CRAMP1: variants seen among roughly 807,000 people sequenced by gnomAD.
The protein encoded by CRAMP1 is protein cramped-like.
In CRAMP1, 50 loss-of-function variants were observed where a neutral mutation model predicts 115.4. That is an observed-to-expected ratio of 0.43 (90% CI 0.35 to 0.55). The LOEUF (loss-of-function observed/expected upper bound fraction) is 0.55. CRAMP1 is among the 20% of genes least tolerant of loss of function. CRAMP1 has a pLI of 0.01. For synonymous variants in CRAMP1, 866 were observed against 745.4 expected (o/e 1.16, Z -2.64); for missense variants, 1,679 against 1,721.7 (o/e 0.98, Z 0.44).
chr16:1,656,746 G>A lies in CRAMP1; in HGVS notation c.1989G>A (p.Glu663=). 3 of 1,549,198 alleles carry A rather than the reference G, an allele frequency of 1.9e-6. No homozygotes were observed. Among genetic ancestry groups the A allele is most frequent in the Non-Finnish European group, 2.6e-6 (3 of 1,146,094 alleles). The stretch of plus-strand genomic sequence containing the variant: ...AGCCTGCCGCCAGGCCCCCGAAGGA[G>A]GTCCCCGCCAGCCGGCTGGCTCAGC... ...QGQPAARPPK[E]VPASRLAQQL... is the part of the protein sequence containing the mutation. The change falls in exon 10 of 21, where the codon GAG becomes GAA. Residue 663 remains glutamate, a synonymous_variant. Transcript: ENST00000397412. The surrounding 1 kb of genome is among the most constrained non-coding windows in gnomAD (Gnocchi z 5.6).
At chr16:1,626,195 C>A (rs577246683) in intron 3 of CRAMP1, 29 bp downstream of exon 3, 25 of 1,454,138 alleles carry the variant, frequency 1.7e-5, no homozygotes, top group Admixed American at 2.6e-5. Context: ...CACGGCCAGG[C>A]AGCCTGGGCG....
At chr16:1,638,104 T>C (rs558244627) in intron 5 of CRAMP1, among the ~76,000 whole-genome samples, 197 bp downstream of exon 5, 34 of 152,364 alleles carry the variant, frequency 2.2e-4, no homozygotes, top group Middle Eastern at 3.4e-3. Flanking sequence ...ACATTTGCTC[T>C]CTTTCTCCAT....
intron 4 of CRAMP1, among the ~76,000 whole-genome samples, chr16:1,636,368 T>A (rs539308968): frequency 6.7e-6 from 1 of 149,284 alleles, no homozygotes; most frequent in African/African-American, 2.5e-5. Context: ...CGAAACTCTG[T>A]CTCAAAAAAA....
At position 1,656,667 on chromosome 16, in the gene CRAMP1, C is replaced by T. The variant is rs920280760; in HGVS notation, c.1910C>T (p.Ala637Val). The change falls in exon 10 of 21, where the codon GCG (alanine) becomes GTG (valine). Residue 637 changes from alanine to valine, a missense_variant. Around this residue, in one of 8 missense-constraint regions of CRAMP1, gnomAD observed 405 missense variants for 302.6 expected, o/e 1.34. Coordinates refer to ENST00000397412, the MANE Select transcript of CRAMP1 (RefSeq NM_020825.4). This position sits in a 1 kb window ranked among gnomAD's most constrained non-coding sequence, Gnocchi z 5.6. ...ACTAAAGACTTGGCAGATGCACCTG[C>T]GGAGGAGCTCCAGGAGAAGGGGAGC... Reference protein sequence around the residue: ...VCTKDLADAPAEELQEKGSPA... With the variant: ...VCTKDLADAPVEELQEKGSPA... 17 of 1,572,564 alleles carry T rather than the reference C, an allele frequency of 1.1e-5. No individual in the cohort carries two copies. The highest frequency in any genetic ancestry group is 1.4e-5 in the Non-Finnish European group (16 of 1,160,184).
chr16:1,668,671 C>T (rs1026865054), intron 18 of CRAMP1, among the ~76,000 whole-genome samples: 1 of 152,154 alleles, frequency 6.6e-6, no homozygotes, highest in African/African-American at 2.4e-5. Context: ...AGCATGTAGC[C>T]TTGGGCAGCT....
chr16:1,658,369 G>T (rs945159711), intron 10 of CRAMP1, among the ~76,000 whole-genome samples: 1 of 152,214 alleles, frequency 6.6e-6, no homozygotes, highest in African/African-American at 2.4e-5. Context: ...CTTTTGGTGG[G>T]CTCATGGGAG....
intron 13 of CRAMP1, among the ~76,000 whole-genome samples, chr16:1,664,774 G>A (rs1300708096): frequency 2.8e-5 from 4 of 144,744 alleles, no homozygotes; most frequent in African/African-American, 7.7e-5. Context: ...GCAAGACACC[G>A]TCTCAAAAAA....
rs1036302237 is a variant in CRAMP1, at chr16:1,672,831, G to T, written c.3646-1050G>T. Among the ~76,000 whole-genome samples, 1 of 152,214 alleles carries T rather than the reference G, an allele frequency of 6.6e-6. No individual in the cohort carries two copies. The highest frequency in any genetic ancestry group is 1.5e-5 in the Non-Finnish European group (1 of 68,036). ...AAGATCCCGGTGCCGAGGCCCTCCC[G>T]TCCTCCGTCTCCTCAGCTCTGTGCT... On this transcript the variant is annotated intron_variant, in intron 20 of 20. Coordinates refer to ENST00000397412, the MANE Select transcript of CRAMP1 (RefSeq NM_020825.4). This position sits in a 1 kb window ranked among gnomAD's most constrained non-coding sequence, Gnocchi z 4.9.
intron 4 of CRAMP1, among the ~76,000 whole-genome samples, chr16:1,634,228 G>T (rs76326611): frequency 0.012 from 1,756 of 152,288 alleles, 33 homozygotes; most frequent in African/African-American, 0.04. Flanking sequence ...TGCGGGCAGG[G>T]TGGGAAGCGT....
intron 6 of CRAMP1, chr16:1,646,972 T>C (rs1031649145): frequency 1.4e-6 from 1 of 701,178 alleles, no homozygotes; most frequent in African/African-American, 1.7e-5. Context: ...GGTTCCATTC[T>C]GGACCTTCTG....
At chr16:1,673,058 C>T (rs759421268) in intron 20 of CRAMP1, among the ~76,000 whole-genome samples, 28 of 151,176 alleles carry the variant, frequency 1.9e-4, no homozygotes, top group African/African-American at 4.1e-4. Flanking sequence ...GGGATTCTGA[C>T]GGGATCGTGC....
In CRAMP1 at chr16:1,675,165, C is replaced by T. The variant is rs1268265184; in HGVS notation, c.*1120C>T. 1 of 152,296 alleles carries T rather than the reference C, an allele frequency of 6.6e-6. No homozygotes were observed. The highest frequency in any genetic ancestry group is 1.5e-5 in the Non-Finnish European group (1 of 68,088). The allele number at this position is 152,296 out of a possible 1,614,324, so 9.4% of individuals were successfully genotyped here. A position where few individuals can be genotyped will look rare whatever the true frequency, so the allele number is the denominator to read the frequency against. On this transcript the variant is annotated 3_prime_UTR_variant, in exon 21 of 21. Coordinates refer to ENST00000397412, the MANE Select transcript of CRAMP1 (RefSeq NM_020825.4). ...CAAATATATGCCTTCGTGGTGGTCT[C>T]CCTCCTTGCGCCCTCTTGGGTGGCC...
intron 4 of CRAMP1, among the ~76,000 whole-genome samples, chr16:1,637,271 G>T (rs1036053344): frequency 6.6e-6 from 1 of 151,950 alleles, no homozygotes; most frequent in Non-Finnish European, 1.5e-5. Context: ...TCCAGTCTGG[G>T]CGAGAGAGTG....
At chr16:1,670,021 T>G (rs1330819545) in intron 19 of CRAMP1, among the ~76,000 whole-genome samples, 1 of 152,044 alleles carries the variant, frequency 6.6e-6, no homozygotes, top group African/African-American at 2.4e-5. Flanking sequence ...TCCCAGCACT[T>G]TGGGAGGCCA....
intron 6 of CRAMP1, among the ~76,000 whole-genome samples, chr16:1,645,214 T>G (rs959169296): frequency 3.9e-5 from 6 of 151,904 alleles, no homozygotes; most frequent in Non-Finnish European, 8.8e-5. Flanking sequence ...TGAGATGGAG[T>G]CTTGCTCTGT....
chr16:1,632,578 T>C (rs2036555873), intron 4 of CRAMP1, among the ~76,000 whole-genome samples: 1 of 152,384 alleles, frequency 6.6e-6, no homozygotes, highest in East Asian at 1.9e-4. Flanking sequence ...TATCCCATGC[T>C]CCAGGGTTCT....
At chr16:1,673,399 C>G (rs1567464700) in intron 20 of CRAMP1, among the ~76,000 whole-genome samples, 2 of 152,184 alleles carry the variant, frequency 1.3e-5, no homozygotes, top group Non-Finnish European at 2.9e-5. Flanking sequence ...TGTCCCCCAC[C>G]TGTCCTCATG....
chr16:1,629,277 T>C (rs910993286), intron 3 of CRAMP1, among the ~76,000 whole-genome samples: 13 of 152,228 alleles, frequency 8.5e-5, no homozygotes, highest in African/African-American at 2.9e-4. Context: ...AGGCCCTCCC[T>C]GTCTCTGCAC....
chr16:1,655,341 G>A, intron 9 of CRAMP1, 41 bp downstream of exon 9: 1 of 1,516,292 alleles, frequency 6.6e-7, no homozygotes, highest in Non-Finnish European at 9.2e-7. Flanking sequence ...AGGCTGCGCT[G>A]CCTCTGCTGC....
Sources: allele counts gnomAD v4.1 joint callset (sites outside exome capture counted in the v4.1 genomes callset), GRCh38; gene constraint gnomAD v4.1.1; regional missense constraint gnomAD v4.1.1; non-coding constraint Gnocchi (gnomAD v3.1); transcripts MANE v1.5; gene names NCBI Gene and HGNC (gene_info 2026-07-23, HGNC 2026-07-21).